Variants in SPHK2 observed in about 807,000 individuals in gnomAD.
SPHK2 encodes the protein sphingosine kinase 2.
Under a neutral mutation model 32.3 loss-of-function variants are expected in SPHK2, and 18 were observed. That is an observed-to-expected ratio of 0.56 (90% CI 0.39 to 0.83). The LOEUF is 0.83. Among genes scored for constraint, SPHK2 ranks in the 40% least tolerant of loss-of-function variants. The pLI is 0.00. For missense variants in SPHK2, 850 were observed against 908.7 expected, an observed-to-expected ratio of 0.94 and a Z score of 0.83; for synonymous variants, 462 against 417.6, an observed-to-expected ratio of 1.11 and a Z score of -1.30.
Position 48,630,273 on chromosome 19 carries a change from T to A in SPHK2, c.*500T>A. On this transcript the variant is annotated 3_prime_UTR_variant, in exon 7 of 7. Transcript: ENST00000245222. This position sits in a 1 kb window ranked among gnomAD's most constrained non-coding sequence, Gnocchi z 4.9. Reference sequence around the variant, plus strand: ...CCGGGGCCGGCGCTAGGATTTGCACTAATGTTCCTCTCCCCGCGGGTGGGG... The same window carrying A: ...CCGGGGCCGGCGCTAGGATTTGCACAAATGTTCCTCTCCCCGCGGGTGGGG... 7.7e-7 allele frequency: 1 copy of A among 1,295,974 alleles called. No homozygotes were observed. Among genetic ancestry groups the A allele is most frequent in the South Asian group, 2.5e-5 (1 of 40,012 alleles). The allele number at this position is 1,295,974 out of a possible 1,614,324, so 80.3% of individuals were successfully genotyped here.
Position 48,629,158 on chromosome 19 carries a change from C to A in SPHK2, c.1350C>A (p.Gly450=). Reference sequence around the variant, plus strand: ...CCATCCTGTCCCTCAACGGTGGGGGCCCAGAGCTGGCTGGGGACTGGGGTG... The same window carrying A: ...CCATCCTGTCCCTCAACGGTGGGGGACCAGAGCTGGCTGGGGACTGGGGTG... ...PLPILSLNGG[G]PELAGDWGGA... Residue 450 remains glycine (G), a synonymous_variant, in exon 7 of 7, where the codon GGC becomes GGA. Coordinates refer to ENST00000245222, the MANE Select transcript of SPHK2 (RefSeq NM_020126.5). 1 of 1,613,368 alleles carries A rather than the reference C, an allele frequency of 6.2e-7. No individual in the cohort carries two copies. Among genetic ancestry groups the A allele is most frequent in the Non-Finnish European group, 8.5e-7 (1 of 1,179,896 alleles).
In SPHK2 at chr19:48,628,783, G is replaced by T. The variant is rs201009052; in HGVS notation, c.975G>T (p.Ser325=). The change falls in exon 7 of 7, where the codon TCG becomes TCT. Residue 325 remains serine, a synonymous_variant. Coordinates refer to ENST00000245222, the MANE Select transcript of SPHK2 (RefSeq NM_020126.5). This position sits in a 1 kb window ranked among gnomAD's most constrained non-coding sequence, Gnocchi z 5.2. ...ACCTGCTCTCCGTGACGCTGGCCTCGGGCTCCCGCTGTTTCTCCTTCCTGT... is the reference window on the plus strand; with the variant it reads ...ACCTGCTCTCCGTGACGCTGGCCTCTGGCTCCCGCTGTTTCTCCTTCCTGT... ...PLDLLSVTLA[S]GSRCFSFLSV... is the part of the protein sequence containing the mutation. 1.2e-6 allele frequency: 2 copies of T among 1,613,492 alleles called. No individual in the cohort carries two copies. The highest frequency in any genetic ancestry group is 1.7e-5 in the Admixed American group (1 of 60,030).
chr19:48,629,196 C>T lies in SPHK2; in HGVS notation c.1388C>T (p.Ala463Val), dbSNP rs1238449423. 3 of 1,613,364 alleles carry T rather than the reference C, an allele frequency of 1.9e-6. No homozygotes were observed. The highest frequency in any genetic ancestry group is 2.5e-6 in the Non-Finnish European group (3 of 1,179,970). Reference protein sequence around the residue: ...LAGDWGGAGDAPLSPDPLLSS... With the variant: ...LAGDWGGAGDVPLSPDPLLSS... Reference sequence around the variant, plus strand: ...GGGGACTGGGGTGGGGCTGGGGATGCTCCGCTGTCCCCGGACCCACTGCTG... The same window carrying T: ...GGGGACTGGGGTGGGGCTGGGGATGTTCCGCTGTCCCCGGACCCACTGCTG... Residue 463 changes from alanine (A) to valine (V), a missense_variant, in exon 7 of 7, where the codon GCT becomes GTT. Physicochemically the swap from Ala to Val is moderately conservative, Grantham distance 64. Coordinates refer to ENST00000245222, the MANE Select transcript of SPHK2 (RefSeq NM_020126.5).
chr19:48,628,536 A>G lies in SPHK2; in HGVS notation c.873-145A>G, dbSNP rs1188464595. Reference sequence around the variant, plus strand: ...TGACCAGGAACCTGGCCCCGTAAGGAGTCGCCTGGAGGTGGCCCCACGGCT... The same window carrying G: ...TGACCAGGAACCTGGCCCCGTAAGGGGTCGCCTGGAGGTGGCCCCACGGCT... On this transcript the variant is annotated intron_variant, in intron 6 of 6. Transcript: ENST00000245222. This position sits in a 1 kb window ranked among gnomAD's most constrained non-coding sequence, Gnocchi z 5.2. 5 of 1,036,336 alleles carry G rather than the reference A, an allele frequency of 4.8e-6. No individual in the cohort carries two copies. The African/African-American group carries it at 7.8e-5, about 16-fold the overall frequency. The allele number at this position is 1,036,336 out of a possible 1,614,324, so 64.2% of individuals were successfully genotyped here.
intron 2 of SPHK2, among the ~76,000 whole-genome samples, chr19:48,621,715 A>AG (rs1369862826): frequency 6.6e-6 from 1 of 152,088 alleles, no homozygotes; most frequent in East Asian, 1.9e-4. Context: ...TTCGTGGGGT[A>AG]GGGGGAGATC....
At position 48,630,274 on chromosome 19, in the gene SPHK2, A is replaced by G. The variant is rs2030500185; in HGVS notation, c.*501A>G. ...CGGGGCCGGCGCTAGGATTTGCACTAATGTTCCTCTCCCCGCGGGTGGGGG... is the reference window on the plus strand; with the variant it reads ...CGGGGCCGGCGCTAGGATTTGCACTGATGTTCCTCTCCCCGCGGGTGGGGG... On this transcript the variant is annotated 3_prime_UTR_variant, in exon 7 of 7. Transcript: ENST00000245222. The surrounding 1 kb of genome is among the most constrained non-coding windows in gnomAD (Gnocchi z 4.9). The G allele has an allele frequency of 9.3e-6, 12 of 1,293,894 alleles. No individual in the cohort carries two copies. Among genetic ancestry groups the G allele is most frequent in the Non-Finnish European group, 1.2e-5 (12 of 1,021,860 alleles). The allele number at this position is 1,293,894 out of a possible 1,614,324, so 80.2% of individuals were successfully genotyped here.
At position 48,627,989 on chromosome 19, in the gene SPHK2, G is replaced by T; in HGVS notation, c.676G>T (p.Ala226Ser). The T allele has an allele frequency of 6.3e-7, 1 of 1,586,624 alleles. No individual in the cohort carries two copies. Among genetic ancestry groups the T allele is most frequent in the Non-Finnish European group, 8.6e-7 (1 of 1,163,384 alleles). Reference protein sequence around the residue: ...NLIQTERQNHARELVQGLSLS... With the variant: ...NLIQTERQNHSRELVQGLSLS... ...TCCCACTTCAGAACGACAGAACCAC[G>T]CCCGGGAGCTGGTCCAGGGGCTGAG... The change falls in exon 5 of 7, where the codon GCC becomes TCC. Residue 226 changes from alanine (A) to serine (S), a missense_variant. Ala to Ser is a moderately conservative substitution (Grantham distance 99). Transcript: ENST00000245222.
chr19:48,628,154 C>T lies in SPHK2; in HGVS notation c.757-8C>T. 6.2e-7 allele frequency: 1 copy of T among 1,610,730 alleles called. No homozygotes were observed. The highest frequency in any genetic ancestry group is 8.5e-7 in the Non-Finnish European group (1 of 1,178,022). On this transcript the variant is annotated splice_region_variant and splice_polypyrimidine_tract_variant and intron_variant, in intron 5 of 6. Transcript: ENST00000245222. This position sits in a 1 kb window ranked among gnomAD's most constrained non-coding sequence, Gnocchi z 5.2. ...CAGGACCCAGGCTTCTGGTCTCCCA[C>T]CCTCCAGGTGCTGAACGGGCTCCTA...
Position 48,629,877 on chromosome 19 carries a change from G to C in SPHK2, c.*104G>C, listed in dbSNP as rs1001582568. 2 of 1,460,060 alleles carry C rather than the reference G, an allele frequency of 1.4e-6. No homozygotes were observed. Among genetic ancestry groups the C allele is most frequent in the Non-Finnish European group, 1.8e-6 (2 of 1,106,638 alleles). The allele number at this position is 1,460,060 out of a possible 1,614,324, so 90.4% of individuals were successfully genotyped here. A position where few individuals can be genotyped will look rare whatever the true frequency, so the allele number is the denominator to read the frequency against. On this transcript the variant is annotated 3_prime_UTR_variant, in exon 7 of 7. Coordinates refer to ENST00000245222, the MANE Select transcript of SPHK2 (RefSeq NM_020126.5). The stretch of plus-strand genomic sequence containing the variant: ...GGCTGCTAGAGTTGTGGTGGCAGGG[G>C]CCCTGGCCCCGTCTCAGGATTGCGC...
In SPHK2 at chr19:48,625,441, G is replaced by A. The variant is rs1014237257; in HGVS notation, c.40-450G>A. 3.4e-6 allele frequency: 4 copies of A among 1,190,578 alleles called. No homozygotes were observed. In the African/African-American group the frequency reaches 6.4e-5, roughly 19 times the overall value. 73.8% of individuals were successfully genotyped at this position (1,190,578 alleles called of 1,614,324 possible). A position where few individuals can be genotyped will look rare whatever the true frequency, so the allele number is the denominator to read the frequency against. On this transcript the variant is annotated intron_variant, in intron 2 of 6. Coordinates refer to ENST00000245222, the MANE Select transcript of SPHK2 (RefSeq NM_020126.5). Reference sequence around the variant, plus strand: ...GAGGTGTGTCTTTCAGTCTTTGCATGTCTGTTTCTGCATATCCAATCCCAC... The same window carrying A: ...GAGGTGTGTCTTTCAGTCTTTGCATATCTGTTTCTGCATATCCAATCCCAC...
intron 2 of SPHK2, 93 bp downstream of exon 2, chr19:48,620,646 A>G (rs1974366053): frequency 8.2e-6 from 9 of 1,097,208 alleles, no homozygotes; most frequent in South Asian, 1.5e-5. Flanking sequence ...ATTGGAGGCC[A>G]GGCGTGGTAG....
At position 48,626,089 on chromosome 19, in the gene SPHK2, C is replaced by T. The variant is rs11544355; in HGVS notation, c.238C>T (p.Arg80Cys). 4.9e-4 allele frequency: 794 copies of T among 1,612,330 alleles called. No homozygotes were observed. The highest frequency in any genetic ancestry group is 6.4e-4 in the Non-Finnish European group (750 of 1,179,354). The change falls in exon 3 of 7, where the codon CGC (arginine) becomes TGC (cysteine). Residue 80 changes from arginine to cysteine, a missense_variant. Transcript: ENST00000245222. ...GCAGGCCCTGCACATACAGCGGCTG[C>T]GCCCCAAACCTGAAGCCAGGCCCCG... ...TSQALHIQRL[R>C]PKPEARPRGG... is the part of the protein sequence containing the mutation.
chr19:48,627,897 CAAA>C, intron 4 of SPHK2, 56 bp downstream of exon 4: 1 of 1,570,168 alleles, frequency 6.4e-7, no homozygotes, highest in Non-Finnish European at 8.7e-7. Context: ...CCTAAGGGAG[CAAA>C]GTGGTGGGTG....
At chr19:48,620,984 C>T (rs1230445533) in intron 2 of SPHK2, 1 of 159,386 alleles carries the variant, frequency 6.3e-6, no homozygotes, top group Admixed American at 6.1e-5. Flanking sequence ...GGCACAATCA[C>T]AGCCTACTGC....
intron 2 of SPHK2, among the ~76,000 whole-genome samples, chr19:48,621,505 C>T (rs928635533): frequency 1.3e-5 from 2 of 152,202 alleles, no homozygotes; most frequent in Admixed American, 6.5e-5. Context: ...TGAGCCACCG[C>T]GCCCAGCCTG....
chr19:48,619,685 T>A (rs1974320759), intron 1 of SPHK2, 142 bp downstream of exon 1: 1 of 173,724 alleles, frequency 5.8e-6, no homozygotes, highest in Non-Finnish European at 1.3e-5. Flanking sequence ...GAAGTCCTAC[T>A]TAAGGTCTAA....
At position 48,630,364 on chromosome 19, in the gene SPHK2, G is replaced by A. The variant is rs117309075; in HGVS notation, c.*591G>A. 7.6e-7 allele frequency: 1 copy of A among 1,317,846 alleles called. No homozygotes were observed. Among genetic ancestry groups the A allele is most frequent in the Non-Finnish European group, 9.7e-7 (1 of 1,033,916 alleles). 81.6% of individuals were successfully genotyped at this position (1,317,846 alleles called of 1,614,324 possible). On this transcript the variant is annotated 3_prime_UTR_variant, in exon 7 of 7. Transcript: ENST00000245222. This position sits in a 1 kb window ranked among gnomAD's most constrained non-coding sequence, Gnocchi z 4.9. ...TCCGTCCCCAATCTAAAAAGCAATT[G>A]AAAAGGTCTATGCAATAAAGGCAGT...
At chr19:48,625,583 G>A in intron 2 of SPHK2, 1 of 1,418,840 alleles carries the variant, frequency 7.0e-7, no homozygotes, top group Non-Finnish European at 9.3e-7. Context: ...AAGGATTTGG[G>A]GCTATTTTGT....
Position 48,628,433 on chromosome 19 carries a change from TC to T in SPHK2, c.872+159del. The T allele has an allele frequency of 3.2e-6, 3 of 923,778 alleles. No homozygotes were observed. Among genetic ancestry groups the T allele is most frequent in the Non-Finnish European group, 5.3e-6 (3 of 563,870 alleles). 57.2% of individuals were successfully genotyped at this position (923,778 alleles called of 1,614,324 possible). A position where few individuals can be genotyped will look rare whatever the true frequency, so the allele number is the denominator to read the frequency against. On this transcript the variant is annotated intron_variant, in intron 6 of 6. Transcript: ENST00000245222. This position sits in a 1 kb window ranked among gnomAD's most constrained non-coding sequence, Gnocchi z 5.2. ...TCCTGGACATTTTTGCCTGCCTGCTTCCCAGCTGTATCCCGAGCGCCCAGAA... is the reference window on the plus strand; with the variant it reads ...TCCTGGACATTTTTGCCTGCCTGCTTCCAGCTGTATCCCGAGCGCCCAGAA...
Sources: gnomAD v4.1 joint callset for allele counts (sites outside exome capture counted in the v4.1 genomes callset) on GRCh38, gnomAD v4.1.1 for gene constraint, Gnocchi (gnomAD v3.1) non-coding constraint, MANE v1.5 for transcripts, NCBI Gene and HGNC (gene_info 2026-07-23, HGNC 2026-07-21) for gene names.